Variants in LTBP1 observed in about 807,000 individuals in gnomAD.
LTBP1 encodes latent transforming growth factor beta binding protein 1, also known as latent-transforming growth factor beta-binding protein 1.
In LTBP1, 129 loss-of-function variants were observed where a neutral mutation model predicts 207.6. The observed-to-expected ratio is 0.62, with a 90% CI of 0.54 to 0.72. The LOEUF is 0.72. Ranked by LOEUF, LTBP1 falls within the 30% of genes least tolerant of loss-of-function variation. The pLI is 0.00. For missense variants in LTBP1, 2,281 were observed against 2,217.2 expected (o/e 1.03, Z -0.58); for synonymous variants, 963 against 833.7 (o/e 1.16, Z -2.67).
At chr2:33,003,996 T>C (rs537570308) in intron 2 of LTBP1, among the ~76,000 whole-genome samples, 67 of 152,326 alleles carry the variant, frequency 4.4e-4, no homozygotes, top group African/African-American at 1.5e-3. Flanking sequence ...AAACAACTTA[T>C]ATAGCCATCC....
chr2:33,380,602 A>G (rs972770993), intron 31 of LTBP1, among the ~76,000 whole-genome samples: 1 of 152,160 alleles, frequency 6.6e-6, no homozygotes, highest in African/African-American at 2.4e-5. Flanking sequence ...GTTTAAAATC[A>G]TAGAATATGC....
chr2:33,165,567 T>C (rs1377294588), intron 5 of LTBP1, among the ~76,000 whole-genome samples: 1 of 152,218 alleles, frequency 6.6e-6, no homozygotes, highest in Non-Finnish European at 1.5e-5. Flanking sequence ...TTATTTAGCT[T>C]TGCGGTGCAG....
At position 33,342,362 on chromosome 2, in the gene LTBP1, G is replaced by A. The variant is rs199701641; in HGVS notation, c.3731-476G>A. Reference sequence around the variant, plus strand: ...ATCAGACTCTCTCTTGACTTCCTGAGGATGTTGTGTAGTCTGGATCAAGGT... The same window carrying A: ...ATCAGACTCTCTCTTGACTTCCTGAAGATGTTGTGTAGTCTGGATCAAGGT... On this transcript the variant is annotated intron_variant, in intron 24 of 33. Coordinates refer to ENST00000404816, the MANE Select transcript of LTBP1 (RefSeq NM_206943.4). 1.2e-3 allele frequency among the ~76,000 whole-genome samples: 176 copies of A among 152,296 alleles called. 1 individual carries two copies. The highest frequency in any genetic ancestry group is 3.1e-3 in the East Asian group (16 of 5,180).
At chr2:33,034,826 A>G (rs1319095278) in intron 3 of LTBP1, among the ~76,000 whole-genome samples, 2 of 152,210 alleles carry the variant, frequency 1.3e-5, no homozygotes, top group Non-Finnish European at 2.9e-5. Context: ...GGAAATATCC[A>G]TGCCAATCAA....
In LTBP1 at chr2:33,280,141, G is replaced by T. The variant is rs752903223; in HGVS notation, c.3095G>T (p.Trp1032Leu). 2.5e-6 allele frequency: 4 copies of T among 1,613,938 alleles called. No individual in the cohort carries two copies. In the African/African-American group the frequency reaches 5.3e-5, roughly 22 times the overall value. ...CCCTGCACAGAAGGATTCCGAGGCT[G>T]GAATGGACAGTGCCTTGGTAGGTAC... Reference protein sequence around the residue: ...CVPCTEGFRGWNGQCLDVDEC... With the variant: ...CVPCTEGFRGLNGQCLDVDEC... The change falls in exon 19 of 34, where the codon TGG (tryptophan) becomes TTG (leucine). Residue 1032 changes from tryptophan to leucine, a missense_variant. This residue lies in a region of LTBP1 where 1,671 missense variants were observed against 1,634.8 expected (regional missense o/e 1.02). Transcript: ENST00000404816.
intron 19 of LTBP1, among the ~76,000 whole-genome samples, chr2:33,289,050 T>C (rs2093724202): frequency 6.6e-6 from 1 of 152,208 alleles, no homozygotes; most frequent in African/African-American, 2.4e-5. Context: ...CTGTCCTGAC[T>C]GCCTTTCCTG....
chr2:33,157,708 C>T (rs1340725474), intron 5 of LTBP1, among the ~76,000 whole-genome samples: 5 of 152,148 alleles, frequency 3.3e-5, no homozygotes. Flanking sequence ...ATGCAGTTTG[C>T]ATGTGTACGA....
At chr2:33,159,894 A>G (rs1002472102) in intron 5 of LTBP1, among the ~76,000 whole-genome samples, 6 of 152,004 alleles carry the variant, frequency 3.9e-5, no homozygotes, top group Admixed American at 3.3e-4. Context: ...TATTTTATTT[A>G]TTTTTGAGAT....
intron 18 of LTBP1, among the ~76,000 whole-genome samples, chr2:33,278,838 A>G (rs73927363): frequency 2.2e-3 from 342 of 152,336 alleles, no homozygotes; most frequent in African/African-American, 7.5e-3. Flanking sequence ...ACCACTATGT[A>G]TCATTGGCCA....
Position 33,356,717 on chromosome 2 carries a change from C to T in LTBP1, c.4001-3880C>T, listed in dbSNP as rs561058987. ...TTGTGTGAGAAAACTCGAAACAAGGCATATGAATTTCTAAGTTTTCCTTGA... is the reference window on the plus strand; with the variant it reads ...TTGTGTGAGAAAACTCGAAACAAGGTATATGAATTTCTAAGTTTTCCTTGA... On this transcript the variant is annotated intron_variant, in intron 26 of 33. Coordinates refer to ENST00000404816, the MANE Select transcript of LTBP1 (RefSeq NM_206943.4). Among the ~76,000 whole-genome samples the T allele has an allele frequency of 5.3e-5, 8 of 152,294 alleles. No homozygotes were observed. In the East Asian group the frequency reaches 1.5e-3, roughly 29 times the overall value.
chr2:33,116,514 AAG>A (rs955226331), intron 4 of LTBP1, among the ~76,000 whole-genome samples: 4 of 152,110 alleles, frequency 2.6e-5, no homozygotes, highest in African/African-American at 4.8e-5. Context: ...GTGGGGGAGA[AAG>A]AGAGAGAGAA....
chr2:33,339,806 C>T (rs918724560), intron 24 of LTBP1, among the ~76,000 whole-genome samples: 20 of 151,798 alleles, frequency 1.3e-4, no homozygotes, highest in African/African-American at 2.2e-4. Context: ...CCACCACACC[C>T]GGCTAATTTT....
intron 31 of LTBP1, 120 bp downstream of exon 31, chr2:33,365,623 T>G: frequency 2.4e-6 from 2 of 837,574 alleles, no homozygotes; most frequent in Non-Finnish European, 3.5e-6. Flanking sequence ...CTTACTTTCA[T>G]CCCGTGTGTG....
chr2:33,166,131 C>A (rs921409747), intron 5 of LTBP1, among the ~76,000 whole-genome samples: 2 of 148,946 alleles, frequency 1.3e-5, no homozygotes, highest in Non-Finnish European at 3.0e-5. Context: ...ATGTTGAGAT[C>A]AATTTGGTAA....
intron 3 of LTBP1, among the ~76,000 whole-genome samples, chr2:33,022,472 C>G (rs1434343703): frequency 6.6e-6 from 1 of 152,050 alleles, no homozygotes; most frequent in Non-Finnish European, 1.5e-5. Flanking sequence ...GTGCCAGGTA[C>G]TCTTTTAAAC....
chr2:33,342,709 G>T, intron 24 of LTBP1, 129 bp from the exon 25 acceptor site: 2 of 798,238 alleles, frequency 2.5e-6, no homozygotes, highest in East Asian at 2.7e-5. Flanking sequence ...GCTGTTTTCT[G>T]TGTAAACATG....
intron 23 of LTBP1, among the ~76,000 whole-genome samples, chr2:33,313,065 G>T (rs2149219752): frequency 6.6e-6 from 1 of 152,278 alleles, no homozygotes; most frequent in African/African-American, 2.4e-5. Flanking sequence ...CCAATAGGTA[G>T]AGAACAAACA....
At chr2:33,045,035 T>A (rs2076379837) in intron 3 of LTBP1, among the ~76,000 whole-genome samples, 2 of 152,136 alleles carry the variant, frequency 1.3e-5, no homozygotes, top group Non-Finnish European at 2.9e-5. Flanking sequence ...ATGGATAGAC[T>A]GCAAAATTTT....
chr2:33,030,089 G>A (rs1160372357), intron 3 of LTBP1, among the ~76,000 whole-genome samples: 3 of 152,122 alleles, frequency 2.0e-5, no homozygotes, highest in Admixed American at 6.6e-5. Context: ...TTTGCCTGAC[G>A]TTGGTGTTTT....
Sources: gnomAD v4.1 joint callset for allele counts (sites outside exome capture counted in the v4.1 genomes callset) on GRCh38, gnomAD v4.1.1 for gene constraint, gnomAD v4.1.1 regional missense constraint, MANE v1.5 for transcripts, NCBI Gene and HGNC (gene_info 2026-07-23, HGNC 2026-07-21) for gene names.